Variants in CHAF1A observed in about 807,000 individuals in gnomAD.
CHAF1A encodes the protein chromatin assembly factor 1 subunit A.
A neutral mutation model predicts 93.2 loss-of-function variants in CHAF1A; 5 were observed. The ratio of observed to expected loss-of-function variants is 0.05; its 90% CI spans 0.03 to 0.11. CHAF1A has a LOEUF of 0.11. Ranked by LOEUF, CHAF1A falls within the 10% of genes least tolerant of loss-of-function variation. The probability of loss-of-function intolerance (pLI) is 1.00; values close to 1 mark genes in which losing one functional copy is unlikely to be tolerated. For missense variants in CHAF1A, 1,102 were observed against 1,259.9 expected (o/e 0.87, Z 1.90); for synonymous variants, 504 against 510.3 (o/e 0.99, Z 0.17).
intron 7 of CHAF1A, among the ~76,000 whole-genome samples, chr19:4,425,012 G>T (rs1293454387): frequency 6.6e-6 from 1 of 152,056 alleles, no homozygotes. Context: ...GGCTTCAAAT[G>T]ATCCTCCAAA....
At chr19:4,415,896 G>A (rs1319123114) in intron 3 of CHAF1A, among the ~76,000 whole-genome samples, 4 of 152,116 alleles carry the variant, frequency 2.6e-5, no homozygotes, top group Non-Finnish European at 4.4e-5. Flanking sequence ...ACTGTTGGCC[G>A]GGCGCGGTGG....
At chr19:4,447,553 A>G, downstream of CHAF1A, 1 of 1,613,480 alleles carries the variant, frequency 6.2e-7, no homozygotes, top group South Asian at 1.1e-5. Flanking sequence ...CGCCCACCTG[A>G]AACACCTTGT....
intron 8 of CHAF1A, 140 bp from the exon 9 acceptor site, chr19:4,429,298 T>C (rs1974138906): frequency 1.0e-6 from 1 of 964,148 alleles, no homozygotes; most frequent in Non-Finnish European, 1.5e-6. Flanking sequence ...TGACCTTTCT[T>C]TGGGGACAGG....
In CHAF1A at chr19:4,413,360, G is replaced by A. The variant is rs558204222; in HGVS notation, c.960+3601G>A. Among the ~76,000 whole-genome samples, 8 of 152,246 alleles carry A rather than the reference G, an allele frequency of 5.3e-5. No homozygotes were observed. In the East Asian group the frequency reaches 7.7e-4, roughly 15 times the overall value. ...GCTGGGATTACAGGTGTGAGCCACC[G>A]CGCCTGGCCAGTTGGTACCTAACTC... is the stretch of plus-strand genomic sequence containing the variant. On this transcript the variant is annotated intron_variant, in intron 3 of 14. Transcript: ENST00000301280.
In CHAF1A at chr19:4,433,149, C is replaced by T; in HGVS notation, c.2283C>T (p.Cys761=). Residue 761 remains cysteine, a synonymous_variant, in exon 13 of 15, where the codon TGC becomes TGT. Transcript: ENST00000301280. This position sits in a 1 kb window ranked among gnomAD's most constrained non-coding sequence, Gnocchi z 5.6. ...KVIIREFQEH[C]RRGLLSNHTG... is the part of the protein sequence containing the mutation. The stretch of plus-strand genomic sequence containing the variant: ...TCATCCGGGAGTTCCAGGAGCACTG[C>T]CGCCGGGGACTGCTCAGCAACCACA... The T allele has an allele frequency of 6.2e-7, 1 of 1,612,794 alleles. No homozygotes were observed.
Position 4,442,384 on chromosome 19 carries a change from C to T in CHAF1A, c.2770+43C>T, listed in dbSNP as rs778799409. The T allele has an allele frequency of 3.4e-5, 50 of 1,476,680 alleles. No homozygotes were observed. In the Admixed American group the frequency reaches 8.0e-4, roughly 24 times the overall value. The allele number at this position is 1,476,680 out of a possible 1,614,324, so 91.5% of individuals were successfully genotyped here. ...TAGCAGAACGCACTGGTGAGGTGGG[C>T]GCTGGAGGTAAACCTCAACAGAGAA... On this transcript the variant is annotated intron_variant, in intron 14 of 14. Transcript: ENST00000301280.
intron 3 of CHAF1A, 73 bp from the exon 4 acceptor site, chr19:4,417,947 C>T: frequency 1.8e-6 from 2 of 1,100,940 alleles, no homozygotes; most frequent in Non-Finnish European, 2.7e-6. Flanking sequence ...AACTGATCAC[C>T]TGGAAAGGTT....
At chr19:4,410,048 C>T (rs1048403140) in intron 3 of CHAF1A, among the ~76,000 whole-genome samples, 4 of 152,166 alleles carry the variant, frequency 2.6e-5, no homozygotes, top group Admixed American at 6.6e-5. Flanking sequence ...ATAGCTTAGC[C>T]GTTTTAGGGA....
intron 3 of CHAF1A, among the ~76,000 whole-genome samples, chr19:4,410,636 C>A (rs1973778550): frequency 6.6e-6 from 1 of 152,130 alleles, no homozygotes; most frequent in Non-Finnish European, 1.5e-5. Context: ...CCGTCTTGGC[C>A]TCCCAAAGTG....
chr19:4,439,187 G>A (rs186932349), intron 13 of CHAF1A, among the ~76,000 whole-genome samples: 62 of 151,026 alleles, frequency 4.1e-4, no homozygotes, highest in African/African-American at 1.5e-3. Context: ...AGCCGAGGCA[G>A]GAGAATCACT....
intron 7 of CHAF1A, among the ~76,000 whole-genome samples, chr19:4,425,537 G>C (rs1404029203): frequency 1.3e-5 from 2 of 152,114 alleles, no homozygotes; most frequent in Non-Finnish European, 2.9e-5. Flanking sequence ...AGTAGAGACT[G>C]GGTCTCACTG....
At position 4,443,069 on chromosome 19, in the gene CHAF1A, C is replaced by G. The variant is rs747525642; in HGVS notation, c.*44C>G. 4 of 1,250,776 alleles carry G rather than the reference C, an allele frequency of 3.2e-6. No individual in the cohort carries two copies. In the South Asian group the frequency reaches 5.1e-5, roughly 16 times the overall value. 77.5% of individuals were successfully genotyped at this position (1,250,776 alleles called of 1,614,324 possible). ...TAGAATGCTTAGGGTGTCCTCCCCA[C>G]AGAGCAGATACTTGAACCGACTCAA... On this transcript the variant is annotated 3_prime_UTR_variant, in exon 15 of 15. Transcript: ENST00000301280.
At chr19:4,419,119 A>G (rs1051374375) in intron 4 of CHAF1A, among the ~76,000 whole-genome samples, 11 of 149,002 alleles carry the variant, frequency 7.4e-5, no homozygotes, top group South Asian at 4.2e-4. Context: ...AGCTCAGGCA[A>G]TCCTCCCGTC....
At chr19:4,449,793 G>A (rs1470289985), downstream of CHAF1A, 1 of 152,128 alleles carries the variant, frequency 6.6e-6, no homozygotes, top group Non-Finnish European at 1.5e-5. Context: ...GCTCTCGACA[G>A]GTGGGGCTGA....
rs747750687 is a variant in CHAF1A, at chr19:4,427,136, C to CTTTTTTTTTTTTTTTTTT, written c.1378-1514_1378-1497dup. On this transcript the variant is annotated intron_variant, in intron 7 of 14. Coordinates refer to ENST00000301280, the MANE Select transcript of CHAF1A (RefSeq NM_005483.3). ...GTGATCTTTCAAAAAAAGACCCTGT[C>CTTTTTTTTTTTTTTTTTT]TTTTTTTTTTTTTTTTTTTTTTTTT... is the stretch of plus-strand genomic sequence containing the variant. Among the ~76,000 whole-genome samples, 57 of 31,948 alleles carry CTTTTTTTTTTTTTTTTTT rather than the reference C, an allele frequency of 1.8e-3. 11 individuals carry two copies. Among genetic ancestry groups the CTTTTTTTTTTTTTTTTTT allele is most frequent in the Non-Finnish European group, 2.0e-3 (40 of 20,174 alleles). The allele number at this position is 31,948 out of a possible 152,430, so 21.0% of individuals were successfully genotyped here.
intron 13 of CHAF1A, among the ~76,000 whole-genome samples, chr19:4,438,913 C>T (rs1364279996): frequency 1.3e-5 from 2 of 151,938 alleles, no homozygotes; most frequent in African/African-American, 2.4e-5. Flanking sequence ...ACCTGGGAGG[C>T]GGAGCTTGCG....
intron 13 of CHAF1A, among the ~76,000 whole-genome samples, chr19:4,437,051 GGCAGTGGTGGCCACATGC>G (rs1425426540): frequency 6.6e-6 from 1 of 152,218 alleles, no homozygotes; most frequent in African/African-American, 2.4e-5. Flanking sequence ...GCTAATGGAT[GGCAGTGGTGGCCACATGC>G]GCGTGATTGG....
At chr19:4,421,214 G>A (rs1599648178) in intron 4 of CHAF1A, among the ~76,000 whole-genome samples, 2 of 152,040 alleles carry the variant, frequency 1.3e-5, no homozygotes, top group East Asian at 1.9e-4. Flanking sequence ...TGGGACTATA[G>A]GTGTGCGCCA....
chr19:4,405,855 G>C, intron 1 of CHAF1A, 57 bp from the exon 2 acceptor site: 1 of 1,514,924 alleles, frequency 6.6e-7, no homozygotes, highest in Non-Finnish European at 9.2e-7. Context: ...ATATGTATTT[G>C]CTAACTTGAT....
Sources: allele counts gnomAD v4.1 joint callset (sites outside exome capture counted in the v4.1 genomes callset), GRCh38; gene constraint gnomAD v4.1.1; non-coding constraint Gnocchi (gnomAD v3.1); transcripts MANE v1.5; gene names NCBI Gene and HGNC (gene_info 2026-07-23, HGNC 2026-07-21).